SH3RF1: variants seen among roughly 807,000 people sequenced by gnomAD.
SH3RF1 encodes E3 ubiquitin-protein ligase SH3RF1.
A neutral mutation model predicts 74.0 loss-of-function variants in SH3RF1; 32 were observed. That is an observed-to-expected ratio of 0.43 (90% CI 0.33 to 0.58). The LOEUF is 0.58. Ranked by LOEUF, SH3RF1 falls within the 20% of genes least tolerant of loss-of-function variation. The pLI is 0.05. For synonymous variants in SH3RF1, 396 were observed against 439.6 expected (o/e 0.90, Z 1.24); for missense variants, 954 against 1,130.9 (o/e 0.84, Z 2.24).
intron 4 of SH3RF1, among the ~76,000 whole-genome samples, chr4:169,138,430 A>G (rs936824280): frequency 3.9e-5 from 6 of 152,224 alleles, no homozygotes; most frequent in African/African-American, 1.4e-4. Context: ...AATGCTGGAG[A>G]AAAAGGAGCC....
At chr4:169,124,395 ACTT>A (rs1273035749) in intron 6 of SH3RF1, among the ~76,000 whole-genome samples, 2 of 152,246 alleles carry the variant, frequency 1.3e-5, no homozygotes, top group Non-Finnish European at 2.9e-5. Flanking sequence ...ATATAAAATC[ACTT>A]CTTGTCACAA....
rs1254507126 is a variant in SH3RF1 at position 169,096,988 on chromosome 4, G to T, written c.2499-301C>A. ...GTTTGTATCTTGGCCATAAAGGAGA[G>T]TTTCATTTCATTTCCCGAGAGGGGT... On this transcript the variant is annotated intron_variant, in intron 11 of 11. Coordinates refer to ENST00000284637, the MANE Select transcript of SH3RF1 (RefSeq NM_020870.4). Among the ~76,000 whole-genome samples, 11 of 152,266 alleles carry T rather than the reference G, an allele frequency of 7.2e-5. No individual in the cohort carries two copies. The East Asian group carries it at 2.1e-3, about 29-fold the overall frequency.
At chr4:169,136,810 AG>A (rs1330156769) in intron 4 of SH3RF1, among the ~76,000 whole-genome samples, 190 bp from the exon 5 acceptor site, 6 of 152,232 alleles carry the variant, frequency 3.9e-5, no homozygotes, top group African/African-American at 1.4e-4. Flanking sequence ...TCTATATCAC[AG>A]GTAGATATTA....
At chr4:169,205,502 A>G (rs1421199583) in intron 2 of SH3RF1, among the ~76,000 whole-genome samples, 1 of 152,194 alleles carries the variant, frequency 6.6e-6, no homozygotes, top group Non-Finnish European at 1.5e-5. Flanking sequence ...ACTGCAGGCC[A>G]ATTTCCAGGC....
intron 2 of SH3RF1, chr4:169,166,877 A>T: frequency 3.5e-6 from 1 of 288,266 alleles, no homozygotes. Flanking sequence ...GGTATCTGCA[A>T]TGTAAAAATC....
chr4:169,245,923 G>T (rs964230615), intron 2 of SH3RF1, among the ~76,000 whole-genome samples: 2 of 152,098 alleles, frequency 1.3e-5, no homozygotes, highest in African/African-American at 4.8e-5. Context: ...TTAATCAAAG[G>T]CAGGCAAGAC....
At chr4:169,229,480 A>C (rs567914202) in intron 2 of SH3RF1, among the ~76,000 whole-genome samples, 22 of 152,188 alleles carry the variant, frequency 1.4e-4, no homozygotes, top group African/African-American at 4.8e-4. Flanking sequence ...CCACCCAAAA[A>C]AAAAACCTAT....
rs553420352 is a variant in SH3RF1, at chr4:169,145,728, G to A, written c.766-9108C>T. ...CTCCCAAAGTGCTGGGATTACAGGT[G>A]TGAGCCACCGCCTGGTCTAAAAACT... is the stretch of plus-strand genomic sequence containing the variant. On this transcript the variant is annotated intron_variant, in intron 4 of 11. Coordinates refer to ENST00000284637, the MANE Select transcript of SH3RF1 (RefSeq NM_020870.4). Among the ~76,000 whole-genome samples, 39 of 146,070 alleles carry A rather than the reference G, an allele frequency of 2.7e-4. No homozygotes were observed. In the East Asian group the frequency reaches 7.0e-3, roughly 26 times the overall value.
At chr4:169,257,487 G>C (rs998756994) in intron 2 of SH3RF1, among the ~76,000 whole-genome samples, 1 of 152,116 alleles carries the variant, frequency 6.6e-6, no homozygotes, top group African/African-American at 2.4e-5. Flanking sequence ...CGACATGGTC[G>C]CTCTGTCTAA....
intron 4 of SH3RF1, among the ~76,000 whole-genome samples, chr4:169,154,234 C>A (rs1734017026): frequency 6.6e-6 from 1 of 152,062 alleles, no homozygotes; most frequent in Admixed American, 6.6e-5. Flanking sequence ...AAAAATATTT[C>A]AATAAACAGG....
intron 2 of SH3RF1, among the ~76,000 whole-genome samples, chr4:169,182,786 C>T: frequency 6.6e-6 from 1 of 152,088 alleles, no homozygotes; most frequent in African/African-American, 2.4e-5. Flanking sequence ...GAATAATTTA[C>T]TCTGTTTCCT....
intron 11 of SH3RF1, among the ~76,000 whole-genome samples, chr4:169,100,858 G>A (rs1360398798): frequency 1.3e-5 from 2 of 152,056 alleles, no homozygotes; most frequent in Non-Finnish European, 2.9e-5. Context: ...CCCTATTCAG[G>A]GCCTTTACTT....
intron 2 of SH3RF1, among the ~76,000 whole-genome samples, chr4:169,268,226 T>C (rs937881964): frequency 2.0e-5 from 3 of 152,162 alleles, no homozygotes; most frequent in Non-Finnish European, 4.4e-5. Flanking sequence ...AAGCCCAACA[T>C]AAAGCTAGAT....
intron 6 of SH3RF1, among the ~76,000 whole-genome samples, chr4:169,128,904 G>A (rs181211034): frequency 1.4e-4 from 21 of 152,114 alleles, no homozygotes; most frequent in Non-Finnish European, 2.9e-4. Context: ...GCCCTCAACC[G>A]AGCCCAAAAA....
At chr4:169,239,245 T>C (rs1730865706) in intron 2 of SH3RF1, among the ~76,000 whole-genome samples, 1 of 152,028 alleles carries the variant, frequency 6.6e-6, no homozygotes, top group South Asian at 2.1e-4. Flanking sequence ...ACCTACTTTG[T>C]AAAAGGGGAA....
Position 169,165,700 on chromosome 4 carries a change from G to A in SH3RF1, c.394-9021C>T, listed in dbSNP as rs150564120. 5.3e-3 allele frequency among the ~76,000 whole-genome samples: 805 copies of A among 152,092 alleles called. 5 individuals are homozygous for A. The highest frequency in any genetic ancestry group is 6.6e-3 in the Non-Finnish European group (451 of 67,986). On this transcript the variant is annotated intron_variant, in intron 2 of 11. Coordinates refer to ENST00000284637, the MANE Select transcript of SH3RF1 (RefSeq NM_020870.4). ...TTGCCTATTTTTAGTTTTGTCCAGT[G>A]TTTACATTAACACCTTGGAGAGAGG... is the stretch of plus-strand genomic sequence containing the variant.
intron 4 of SH3RF1, among the ~76,000 whole-genome samples, chr4:169,141,419 T>A (rs1166954276): frequency 6.6e-6 from 1 of 152,180 alleles, no homozygotes; most frequent in African/African-American, 2.4e-5. Context: ...TACAAGCATA[T>A]CCATAGGGTA....
rs149010427 is a variant in SH3RF1 at position 169,228,349 on chromosome 4, G to T, written c.393+40471C>A. ...GTTCTGGAGGTCAGAGTACAAAATG[G>T]GTCTCTCTGAGCTAAAATCAAGGTG... On this transcript the variant is annotated intron_variant, in intron 2 of 11. Coordinates refer to ENST00000284637, the MANE Select transcript of SH3RF1 (RefSeq NM_020870.4). Among the ~76,000 whole-genome samples the T allele has an allele frequency of 3.9e-3, 591 of 152,162 alleles. 1 individual carries two copies. The highest frequency in any genetic ancestry group is 5.0e-3 in the Non-Finnish European group (337 of 67,998).
Position 169,096,169 on chromosome 4 carries a change from A to T in SH3RF1, c.*350T>A. The T allele has an allele frequency of 5.4e-6, 1 of 186,412 alleles. No individual in the cohort carries two copies. The allele number at this position is 186,412 out of a possible 1,614,324, so 11.5% of individuals were successfully genotyped here. The stretch of plus-strand genomic sequence containing the variant: ...CTTAAAATCATAATCCAAAGAACGT[A>T]TCTATTATACGAAAAGTTCAAGTTT... On this transcript the variant is annotated 3_prime_UTR_variant, in exon 12 of 12. Transcript: ENST00000284637.
Sources: gnomAD v4.1 joint callset for allele counts (sites outside exome capture counted in the v4.1 genomes callset) on GRCh38, gnomAD v4.1.1 for gene constraint, MANE v1.5 for transcripts, NCBI Gene and HGNC (gene_info 2026-07-23, HGNC 2026-07-21) for gene names.